FARSB: variants seen among roughly 807,000 people sequenced by gnomAD.
FARSB encodes phenylalanine--tRNA ligase beta subunit.
Under a neutral mutation model 69.6 loss-of-function variants are expected in FARSB, and 40 were observed. The observed-to-expected ratio is 0.57, with a 90% CI of 0.45 to 0.75. The LOEUF is 0.75. Among genes scored for constraint, FARSB ranks in the 30% least tolerant of loss-of-function variants. The probability of loss-of-function intolerance (pLI) is 0.00; values close to 1 mark genes in which losing one functional copy is unlikely to be tolerated. For missense variants in FARSB, 632 were observed against 722.9 expected (o/e 0.87, Z 1.44); for synonymous variants, 235 against 247.2 (o/e 0.95, Z 0.46).
chr2:222,593,227 A>G lies in FARSB; in HGVS notation c.1618+6701T>C, dbSNP rs374326017. Among the ~76,000 whole-genome samples, 10 of 152,292 alleles carry G rather than the reference A, an allele frequency of 6.6e-5. No individual in the cohort carries two copies. In the East Asian group the frequency reaches 9.7e-4, roughly 15 times the overall value. On this transcript the variant is annotated intron_variant, in intron 16 of 16. Transcript: ENST00000281828. ...CAGGGGGGTATGAAAAAAATCTTCC[A>G]TATTAAAATGGTTTGCATTGCTCCA...
At chr2:222,584,248 A>T (rs1330980120) in intron 16 of FARSB, among the ~76,000 whole-genome samples, 1 of 152,218 alleles carries the variant, frequency 6.6e-6, no homozygotes, top group Non-Finnish European at 1.5e-5. Flanking sequence ...TGCATTTTTA[A>T]AATAAATTTT....
chr2:222,571,800 G>A lies in FARSB; in HGVS notation c.*71C>T, dbSNP rs1230246743. ...AGCCCAAATAGATGTTCCCTGTGGA[G>A]GAGGACTTAAGGACACTAGGGGAGG... On this transcript the variant is annotated 3_prime_UTR_variant, in exon 17 of 17. Coordinates refer to ENST00000281828, the MANE Select transcript of FARSB (RefSeq NM_005687.5). 7 of 1,306,466 alleles carry A rather than the reference G, an allele frequency of 5.4e-6. No individual in the cohort carries two copies. Among genetic ancestry groups the A allele is most frequent in the Non-Finnish European group, 7.5e-6 (7 of 935,210 alleles). The allele number at this position is 1,306,466 out of a possible 1,614,324, so 80.9% of individuals were successfully genotyped here.
chr2:222,655,389 T>C (rs1050551236), intron 1 of FARSB, among the ~76,000 whole-genome samples: 4 of 152,194 alleles, frequency 2.6e-5, no homozygotes, highest in Non-Finnish European at 5.9e-5. Context: ...CCACCCTATC[T>C]AAAGTTGTTC....
intron 1 of FARSB, among the ~76,000 whole-genome samples, chr2:222,653,095 G>A (rs914388254): frequency 6.6e-6 from 1 of 152,116 alleles, no homozygotes; most frequent in Non-Finnish European, 1.5e-5. Context: ...CGCCAGAACA[G>A]GACTATAATT....
Position 222,616,375 on chromosome 2 carries a change from C to T in FARSB, c.1345-2447G>A, listed in dbSNP as rs1690994816. Among the ~76,000 whole-genome samples, 2 of 151,914 alleles carry T rather than the reference C, an allele frequency of 1.3e-5. 1 individual carries two copies. Among genetic ancestry groups the T allele is most frequent in the South Asian group, 4.2e-4 (2 of 4,818 alleles). Reference sequence around the variant, plus strand: ...CATCCTGGCCAACACGGTGAAACCCCGTCTCTACTAAAAATACAAAAATTA... The same window carrying T: ...CATCCTGGCCAACACGGTGAAACCCTGTCTCTACTAAAAATACAAAAATTA... On this transcript the variant is annotated intron_variant, in intron 14 of 16. Transcript: ENST00000281828.
chr2:222,592,449 G>A (rs1402444260), intron 16 of FARSB, among the ~76,000 whole-genome samples: 1 of 152,016 alleles, frequency 6.6e-6, no homozygotes, highest in Non-Finnish European at 1.5e-5. Flanking sequence ...TGCCAAAACC[G>A]AGTGCTGCCC....
In FARSB at chr2:222,568,414, C is replaced by T. The variant is rs1316315592; in HGVS notation, c.*3457G>A. The T allele has an allele frequency of 6.6e-6, 1 of 152,116 alleles. No homozygotes were observed. Among genetic ancestry groups the T allele is most frequent in the Non-Finnish European group, 1.5e-5 (1 of 68,012 alleles). The allele number at this position is 152,116 out of a possible 1,614,324, so 9.4% of individuals were successfully genotyped here. A position where few individuals can be genotyped will look rare whatever the true frequency, so the allele number is the denominator to read the frequency against. On this transcript the variant is annotated 3_prime_UTR_variant, in exon 17 of 17. Coordinates refer to ENST00000281828, the MANE Select transcript of FARSB (RefSeq NM_005687.5). This position sits in a 1 kb window ranked among gnomAD's most constrained non-coding sequence, Gnocchi z 4.3. Reference sequence around the variant, plus strand: ...ATAGTGTCTCAAACTCATTTATTGGCTATGTGACTTCTGAGTAAGTTATTG... The same window carrying T: ...ATAGTGTCTCAAACTCATTTATTGGTTATGTGACTTCTGAGTAAGTTATTG...
chr2:222,605,874 T>C (rs1303046551), intron 15 of FARSB, among the ~76,000 whole-genome samples: 1 of 152,146 alleles, frequency 6.6e-6, no homozygotes, highest in Non-Finnish European at 1.5e-5. Flanking sequence ...GAGTTCGAGA[T>C]TGCAGTGAGC....
At chr2:222,653,670 GC>G (rs1692096895) in intron 1 of FARSB, among the ~76,000 whole-genome samples, 1 of 151,000 alleles carries the variant, frequency 6.6e-6, no homozygotes, top group African/African-American at 2.4e-5. Flanking sequence ...TCACTTTGTG[GC>G]CAGGGCTGGA....
intron 15 of FARSB, among the ~76,000 whole-genome samples, chr2:222,608,309 A>C (rs1690759228): frequency 6.6e-6 from 1 of 152,206 alleles, no homozygotes; most frequent in Non-Finnish European, 1.5e-5. Flanking sequence ...CTCCAGAATT[A>C]CTGGATAATT....
intron 10 of FARSB, among the ~76,000 whole-genome samples, chr2:222,626,319 A>G (rs1261762879): frequency 6.6e-6 from 1 of 151,988 alleles, no homozygotes. Context: ...ACCTAATTCC[A>G]AAGTACACAC....
At chr2:222,588,593 T>C (rs1241529966) in intron 16 of FARSB, among the ~76,000 whole-genome samples, 2 of 152,214 alleles carry the variant, frequency 1.3e-5, no homozygotes, top group African/African-American at 2.4e-5. Flanking sequence ...GATGACATGA[T>C]TGTATATTTA....
intron 16 of FARSB, among the ~76,000 whole-genome samples, chr2:222,576,652 C>A (rs1452649354): frequency 6.6e-6 from 1 of 152,088 alleles, no homozygotes; most frequent in Non-Finnish European, 1.5e-5. Context: ...TCTACCCAAG[C>A]CCTTCTCCTC....
intron 10 of FARSB, among the ~76,000 whole-genome samples, chr2:222,626,243 CAAAA>C (rs36117232): frequency 3.5e-5 from 2 of 56,972 alleles, no homozygotes; most frequent in Non-Finnish European, 6.7e-5. Flanking sequence ...GACTCCATCT[CAAAA>C]AAAAAAAAAA....
intron 15 of FARSB, among the ~76,000 whole-genome samples, chr2:222,604,722 A>ATTTTTTTTTTTT (rs56201038): frequency 1.7e-3 from 188 of 110,676 alleles, no homozygotes; most frequent in Middle Eastern, 0.011. Context: ...TGCCCACTGA[A>ATTTTTTTTTTTT]TTTTTTTTTT....
At chr2:222,622,545 T>C (rs1353133322) in intron 13 of FARSB, among the ~76,000 whole-genome samples, 1 of 152,192 alleles carries the variant, frequency 6.6e-6, no homozygotes, top group Non-Finnish European at 1.5e-5. Flanking sequence ...TATTTTTCAA[T>C]GTTATTTTTG....
chr2:222,626,064 T>C (rs780183220), intron 10 of FARSB, among the ~76,000 whole-genome samples: 3 of 151,868 alleles, frequency 2.0e-5, no homozygotes, highest in Non-Finnish European at 4.4e-5. Flanking sequence ...CTGGCCAATG[T>C]AGTGAAACCC....
At chr2:222,648,828 A>T (rs1402408429) in intron 1 of FARSB, 33 bp from the exon 2 acceptor site, 2 of 1,438,590 alleles carry the variant, frequency 1.4e-6, no homozygotes, top group Admixed American at 1.7e-5. Flanking sequence ...GGTTAATTTC[A>T]CTCTGTTCAG....
At chr2:222,630,031 G>A (rs1013818393) in intron 9 of FARSB, 82 bp downstream of exon 9, 33 of 836,416 alleles carry the variant, frequency 3.9e-5, no homozygotes, top group South Asian at 2.5e-4. Flanking sequence ...GTGAGCCACC[G>A]CACCTGGCCT....
Sources: gnomAD v4.1 joint callset for allele counts (sites outside exome capture counted in the v4.1 genomes callset) on GRCh38, gnomAD v4.1.1 for gene constraint, Gnocchi (gnomAD v3.1) non-coding constraint, MANE v1.5 for transcripts, NCBI Gene and HGNC (gene_info 2026-07-23, HGNC 2026-07-21) for gene names.